RBPMS: variants seen among roughly 807,000 people sequenced by gnomAD.
RBPMS encodes RNA-binding protein with multiple splicing.
A neutral mutation model predicts 26.8 loss-of-function variants in RBPMS; 7 were observed. The observed-to-expected ratio is 0.26, with a 90% CI of 0.15 to 0.49. The LOEUF is 0.49. Ranked by LOEUF, RBPMS falls within the 20% of genes least tolerant of loss-of-function variation. The probability of loss-of-function intolerance (pLI) is 0.98; values close to 1 mark genes in which losing one functional copy is unlikely to be tolerated. For missense variants in RBPMS, 186 were observed against 250.0 expected (o/e 0.74, Z 1.73); for synonymous variants, 96 against 93.3 (o/e 1.03, Z -0.17).
At chr8:30,496,560 A>G (rs572636346) in intron 4 of RBPMS, among the ~76,000 whole-genome samples, 1 of 152,284 alleles carries the variant, frequency 6.6e-6, no homozygotes, top group African/African-American at 2.4e-5. Flanking sequence ...GATGACCCCA[A>G]AAGTTCAGTA....
intron 4 of RBPMS, among the ~76,000 whole-genome samples, chr8:30,490,287 T>C (rs551337279): frequency 1.3e-5 from 2 of 152,336 alleles, no homozygotes; most frequent in East Asian, 1.9e-4. Flanking sequence ...CTATAAAATA[T>C]TGTAACCTGA....
chr8:30,429,196 A>T (rs1811675883), intron 1 of RBPMS, among the ~76,000 whole-genome samples: 1 of 152,150 alleles, frequency 6.6e-6, no homozygotes, highest in African/African-American at 2.4e-5. Context: ...ATGTGGAGTG[A>T]TGTCACATTG....
chr8:30,520,450 T>A (rs374432416), intron 5 of RBPMS, among the ~76,000 whole-genome samples: 1 of 152,210 alleles, frequency 6.6e-6, no homozygotes, highest in African/African-American at 2.4e-5. Flanking sequence ...CAGTCATTAT[T>A]CTTTCTGATG....
intron 4 of RBPMS, among the ~76,000 whole-genome samples, chr8:30,483,178 CTG>C (rs1027517877): frequency 1.3e-5 from 2 of 152,126 alleles, no homozygotes; most frequent in Non-Finnish European, 2.9e-5. Flanking sequence ...CTAGAGATCT[CTG>C]TAATGACCTG....
Position 30,572,169 on chromosome 8 carries a change from C to T in RBPMS, c.*1644C>T, listed in dbSNP as rs1044987482. On this transcript the variant is annotated 3_prime_UTR_variant, in exon 9 of 9. Coordinates refer to ENST00000397323, the MANE Select transcript of RBPMS (RefSeq NM_001008710.3). ...ACTGTACTCCTAAGGAAAATAGCCA[C>T]TTCTGCAGTCTATTATGCTTTTATA... is the stretch of plus-strand genomic sequence containing the variant. 6.6e-6 allele frequency: 1 copy of T among 152,208 alleles called. No homozygotes were observed. Among genetic ancestry groups the T allele is most frequent in the African/African-American group, 2.4e-5 (1 of 41,446 alleles). 9.4% of individuals were successfully genotyped at this position (152,208 alleles called of 1,614,324 possible). A position where few individuals can be genotyped will look rare whatever the true frequency, so the allele number is the denominator to read the frequency against.
At chr8:30,542,561 TTGTA>T (rs1006133504) in intron 5 of RBPMS, among the ~76,000 whole-genome samples, 1 of 152,174 alleles carries the variant, frequency 6.6e-6, no homozygotes, top group Non-Finnish European at 1.5e-5. Flanking sequence ...TTGGAATCAG[TTGTA>T]TGTATCAGTT....
rs987318354 is a variant in RBPMS, at chr8:30,462,421, TG to T, written c.67-12357del. On this transcript the variant is annotated intron_variant, in intron 1 of 8. Coordinates refer to ENST00000397323, the MANE Select transcript of RBPMS (RefSeq NM_001008710.3). ...AAAATTAAGTAACATTATACTTTTT[TG>T]TTTGTTTGTTTGTTTTTTGGAGACA... 2.3e-3 allele frequency among the ~76,000 whole-genome samples: 340 copies of T among 150,630 alleles called. 3 individuals are homozygous for T. The highest frequency in any genetic ancestry group is 7.9e-3 in the African/African-American group (325 of 41,006).
chr8:30,410,495 A>G (rs1038752578), intron 1 of RBPMS, among the ~76,000 whole-genome samples: 3 of 152,028 alleles, frequency 2.0e-5, no homozygotes, highest in Non-Finnish European at 4.4e-5. Context: ...GACAAGAGCC[A>G]CCGTGCCTGG....
At chr8:30,427,738 A>T (rs1811511290) in intron 1 of RBPMS, among the ~76,000 whole-genome samples, 1 of 152,208 alleles carries the variant, frequency 6.6e-6, no homozygotes. Flanking sequence ...TTTGCCATCC[A>T]GAGTTTATAC....
intron 4 of RBPMS, among the ~76,000 whole-genome samples, chr8:30,501,642 GT>G (rs1214668096): frequency 1.3e-5 from 2 of 152,142 alleles, no homozygotes; most frequent in Non-Finnish European, 2.9e-5. Flanking sequence ...TCTGGTCCAT[GT>G]AATAAATAGG....
chr8:30,442,751 C>G (rs1272329855), intron 1 of RBPMS: 3 of 152,112 alleles, frequency 2.0e-5, no homozygotes, highest in Admixed American at 6.5e-5. Context: ...CGGAGCGAGT[C>G]TCCTGGGCCC....
intron 4 of RBPMS, among the ~76,000 whole-genome samples, chr8:30,480,420 T>C (rs1328059302): frequency 6.6e-6 from 1 of 152,206 alleles, no homozygotes. Flanking sequence ...TTATACTTCA[T>C]ATAATGGTGT....
chr8:30,558,896 C>A lies in RBPMS; in HGVS notation c.538C>A (p.Leu180Ile). ...TCCCATGTCTTTTCAGATGCGCTGGCTCCCTCCCTCCGAGGCTACTTCTCA... is the reference window on the plus strand; with the variant it reads ...TCCCATGTCTTTTCAGATGCGCTGGATCCCTCCCTCCGAGGCTACTTCTCA... The part of the protein sequence containing the change: ...PASLHAQMRW[L>I]PPSEATSQGW... Residue 180 changes from leucine (L) to isoleucine (I), a missense_variant, in exon 7 of 9, where the codon CTC becomes ATC. Physicochemically the swap from Leu to Ile is conservative, Grantham distance 5 (BLOSUM62 2). Transcript: ENST00000397323. The A allele has an allele frequency of 1.2e-6, 2 of 1,614,042 alleles. No individual in the cohort carries two copies. Among genetic ancestry groups the A allele is most frequent in the Non-Finnish European group, 1.7e-6 (2 of 1,179,950 alleles).
At chr8:30,472,752 T>A (rs894742550) in intron 1 of RBPMS, among the ~76,000 whole-genome samples, 1 of 152,238 alleles carries the variant, frequency 6.6e-6, no homozygotes, top group African/African-American at 2.4e-5. Context: ...TTCGCACTTC[T>A]GTGTAACAGG....
At position 30,443,143 on chromosome 8, in the gene RBPMS, A is replaced by T. The variant is rs186830954; in HGVS notation, c.67-31636A>T. On this transcript the variant is annotated intron_variant, in intron 1 of 8. Transcript: ENST00000397323. ...CCTCAAGCCCTGCAGCTTCTCCACA[A>T]CCCGAATCTGGAATATGTTGCGTGG... 5.2e-3 allele frequency among the ~76,000 whole-genome samples: 790 copies of T among 152,234 alleles called. 32 individuals are homozygous for T. The highest frequency in any genetic ancestry group is 0.048 in the Admixed American group (728 of 15,270).
intron 7 of RBPMS, chr8:30,565,350 T>C (rs1827816478): frequency 6.6e-6 from 1 of 152,266 alleles, no homozygotes; most frequent in Non-Finnish European, 1.5e-5. Flanking sequence ...GCTGAGCCAG[T>C]GCCACCTTTC....
intron 6 of RBPMS, chr8:30,549,656 GCTCACAGCGCCAGC>G: frequency 8.7e-7 from 1 of 1,155,110 alleles, no homozygotes. Context: ...CAGGCCTCAT[GCTCACAGCGCCAGC>G]CTCCTGTGAG....
intron 4 of RBPMS, among the ~76,000 whole-genome samples, chr8:30,492,457 C>G (rs1211486359): frequency 7.0e-6 from 1 of 143,750 alleles, no homozygotes; most frequent in South Asian, 2.5e-4. Flanking sequence ...AACCCTTTGA[C>G]TTAAAAAAAA....
rs79287675 is a variant in RBPMS, at chr8:30,526,469, T to C, written c.398-18025T>C. Among the ~76,000 whole-genome samples the C allele has an allele frequency of 6.6e-3, 999 of 152,306 alleles. 9 individuals carry two copies. The highest frequency in any genetic ancestry group is 8.2e-3 in the Non-Finnish European group (557 of 68,032). ...TACTGACTACATTTATGTAGGACCA[T>C]TGGTGGAAGGCAAGTTCCCCAAAGT... On this transcript the variant is annotated intron_variant, in intron 5 of 8. Coordinates refer to ENST00000397323, the MANE Select transcript of RBPMS (RefSeq NM_001008710.3).
Sources: allele counts gnomAD v4.1 joint callset (sites outside exome capture counted in the v4.1 genomes callset), GRCh38; gene constraint gnomAD v4.1.1; transcripts MANE v1.5; gene names NCBI Gene and HGNC (gene_info 2026-07-23, HGNC 2026-07-21).